The following ITCH variants were observed in gnomAD, a reference collection of about 807,000 sequenced individuals.
ITCH encodes itchy E3 ubiquitin protein ligase.
ITCH carries 28 observed loss-of-function variants against 126.8 expected under a neutral mutation model. The observed-to-expected ratio is 0.22, with a 90% CI of 0.16 to 0.30. The LOEUF (loss-of-function observed/expected upper bound fraction) is 0.30, where lower values mean the gene tolerates loss of function less well. Among genes scored for constraint, ITCH ranks in the 10% least tolerant of loss-of-function variants. The pLI is 1.00. For missense variants in ITCH, 631 were observed against 1,032.4 expected, an observed-to-expected ratio of 0.61 and a Z score of 5.33; for synonymous variants, 342 against 340.0, an observed-to-expected ratio of 1.01 and a Z score of -0.06.
intron 2 of ITCH, among the ~76,000 whole-genome samples, chr20:34,378,471 C>CAAAA (rs35400213): frequency 7.5e-4 from 36 of 48,250 alleles, no homozygotes; most frequent in South Asian, 1.3e-3. Context: ...AACTCTGTCT[C>CAAAA]AAAAAAAAAA....
chr20:34,421,232 A>G (rs1980722802), intron 6 of ITCH, among the ~76,000 whole-genome samples: 1 of 152,186 alleles, frequency 6.6e-6, no homozygotes, highest in African/African-American at 2.4e-5. Context: ...CTCCTGCCTC[A>G]GCTTTTTGAG....
At chr20:34,407,939 T>A (rs1252229976) in intron 3 of ITCH, among the ~76,000 whole-genome samples, 2 of 152,216 alleles carry the variant, frequency 1.3e-5, no homozygotes, top group Non-Finnish European at 2.9e-5. Flanking sequence ...TTCAGATGTT[T>A]GTTGACCATG....
chr20:34,364,187 T>C (rs1404896982), intron 1 of ITCH, among the ~76,000 whole-genome samples: 3 of 152,178 alleles, frequency 2.0e-5, no homozygotes, highest in Non-Finnish European at 2.9e-5. Context: ...TAGTTGGACA[T>C]GTAACCAGGT....
At chr20:34,412,422 A>C in intron 4 of ITCH, 93 bp from the exon 5 acceptor site, 1 of 956,884 alleles carries the variant, frequency 1.0e-6, no homozygotes, top group Non-Finnish European at 1.6e-6. Flanking sequence ...CAGTGAGAAG[A>C]CTTTAGACTT....
At chr20:34,369,111 C>T (rs1178005560) in intron 1 of ITCH, among the ~76,000 whole-genome samples, 1 of 152,042 alleles carries the variant, frequency 6.6e-6, no homozygotes, top group South Asian at 2.1e-4. Flanking sequence ...GGGTGGATCA[C>T]GAGGTCAGGA....
At chr20:34,467,677 CAT>C (rs1491234936) in intron 14 of ITCH, among the ~76,000 whole-genome samples, 88 of 130,670 alleles carry the variant, frequency 6.7e-4, no homozygotes, top group Middle Eastern at 4.5e-3. Context: ...TTTTCTTTTT[CAT>C]TTTTTTTTTT....
intron 2 of ITCH, among the ~76,000 whole-genome samples, chr20:34,373,894 AT>A (rs1054188809): frequency 1.4e-5 from 2 of 143,524 alleles, no homozygotes; most frequent in Admixed American, 6.9e-5. Context: ...TTTTTTTTTT[AT>A]TTTTTTTTAA....
intron 16 of ITCH, among the ~76,000 whole-genome samples, chr20:34,475,476 A>C (rs958467869): frequency 9.2e-5 from 14 of 152,308 alleles, no homozygotes; most frequent in Middle Eastern, 3.4e-3. Context: ...AACACATCGA[A>C]ATCCCGTCTC....
intron 2 of ITCH, among the ~76,000 whole-genome samples, chr20:34,381,077 T>C (rs1601760560): frequency 6.6e-6 from 1 of 151,628 alleles, no homozygotes; most frequent in East Asian, 2.0e-4. Context: ...TGTGAGCCAC[T>C]GCGCCTGTTT....
chr20:34,477,982 A>T (rs947531695), intron 17 of ITCH, 122 bp downstream of exon 17: 22 of 1,285,086 alleles, frequency 1.7e-5, no homozygotes, highest in Non-Finnish European at 2.4e-5. Context: ...TCAAATTATT[A>T]TACCTTTATT....
intron 22 of ITCH, among the ~76,000 whole-genome samples, chr20:34,492,002 G>A (rs568619442): frequency 6.6e-6 from 1 of 152,126 alleles, no homozygotes; most frequent in African/African-American, 2.4e-5. Context: ...GGGCTGGGGG[G>A]TGGTGGTGGG....
At chr20:34,374,565 C>T (rs558938341) in intron 2 of ITCH, among the ~76,000 whole-genome samples, 1 of 152,056 alleles carries the variant, frequency 6.6e-6, no homozygotes, top group African/African-American at 2.4e-5. Flanking sequence ...GATCTGAGTT[C>T]ATAAATCATT....
At chr20:34,389,163 TTTATTTTTTA>T in intron 2 of ITCH, among the ~76,000 whole-genome samples, 1 of 152,214 alleles carries the variant, frequency 6.6e-6, no homozygotes, top group South Asian at 2.1e-4. Flanking sequence ...GTTTTTTATT[TTTATTTTTTA>T]TTATTTTTTA....
At chr20:34,409,425 G>T (rs192187399) in intron 4 of ITCH, among the ~76,000 whole-genome samples, 1 of 152,036 alleles carries the variant, frequency 6.6e-6, no homozygotes, top group Non-Finnish European at 1.5e-5. Context: ...ATGAGATGGG[G>T]TCTTGCTATG....
chr20:34,484,692 AG>A (rs1302393003), intron 20 of ITCH, among the ~76,000 whole-genome samples: 4 of 152,296 alleles, frequency 2.6e-5, no homozygotes, highest in African/African-American at 9.6e-5. Context: ...GGGGGTTTTT[AG>A]TATTATTTTA....
chr20:34,402,229 G>T, intron 3 of ITCH: 6 of 1,421,880 alleles, frequency 4.2e-6, no homozygotes, highest in Non-Finnish European at 5.0e-6. Flanking sequence ...ACATTCTTTA[G>T]GCCTTTCTTT....
At chr20:34,440,633 T>A (rs886676278) in intron 9 of ITCH, among the ~76,000 whole-genome samples, 1 of 151,980 alleles carries the variant, frequency 6.6e-6, no homozygotes, top group African/African-American at 2.4e-5. Context: ...ATTTTTGTAT[T>A]TTTAGTAGGG....
intron 12 of ITCH, among the ~76,000 whole-genome samples, chr20:34,452,042 C>T (rs1337523066): frequency 6.7e-6 from 1 of 148,680 alleles, no homozygotes; most frequent in Non-Finnish European, 1.5e-5. Flanking sequence ...TGTGCTTCAG[C>T]CTGGGCAACA....
intron 3 of ITCH, among the ~76,000 whole-genome samples, chr20:34,395,493 T>C (rs1404730796): frequency 6.6e-6 from 1 of 152,134 alleles, no homozygotes; most frequent in East Asian, 1.9e-4. Flanking sequence ...TTTTGGGATA[T>C]CAGTTTCTGA....
Sources: allele counts gnomAD v4.1 joint callset (sites outside exome capture counted in the v4.1 genomes callset), GRCh38; gene constraint gnomAD v4.1.1; transcripts MANE v1.5; gene names NCBI Gene and HGNC (gene_info 2026-07-23, HGNC 2026-07-21).